SACS: variants seen among roughly 807,000 people sequenced by gnomAD.
The protein encoded by SACS is sacsin.
In SACS, 197 loss-of-function variants were observed where a neutral mutation model predicts 348.0. The observed-to-expected ratio is 0.57, with a 90% CI of 0.50 to 0.64. The LOEUF is 0.64. Among genes scored for constraint, SACS ranks in the 30% least tolerant of loss-of-function variants. SACS has a pLI of 0.00. For synonymous variants in SACS, 1,985 were observed against 1,910.6 expected, an observed-to-expected ratio of 1.04 and a Z score of -1.02; for missense variants, 4,999 against 5,360.8, an observed-to-expected ratio of 0.93 and a Z score of 2.11.
intron 6 of SACS, among the ~76,000 whole-genome samples, chr13:23,360,263 A>C (rs933356591): frequency 2.6e-5 from 4 of 152,056 alleles, no homozygotes; most frequent in African/African-American, 9.7e-5. Flanking sequence ...GTAATATATA[A>C]TTTTACATAT....
chr13:23,432,826 A>G (rs976027744), intron 1 of SACS, among the ~76,000 whole-genome samples: 4 of 152,190 alleles, frequency 2.6e-5, no homozygotes, highest in African/African-American at 4.8e-5. Context: ...CTTAAGCGGA[A>G]TGGGCTTTAT....
chr13:23,343,608 C>T (rs1159245965), intron 9 of SACS, among the ~76,000 whole-genome samples: 6 of 152,132 alleles, frequency 3.9e-5, no homozygotes, highest in African/African-American at 9.7e-5. Flanking sequence ...TGCTTGAACC[C>T]GGGAGGCGGA....
intron 5 of SACS, 112 bp downstream of exon 5, chr13:23,368,290 T>G (rs1259474649): frequency 1.6e-5 from 12 of 733,312 alleles, no homozygotes; most frequent in Non-Finnish European, 2.3e-6. Context: ...ATACAGCTAT[T>G]TGAATCTAGA....
chr13:23,395,463 A>G (rs1038271121), intron 2 of SACS, among the ~76,000 whole-genome samples: 1 of 151,340 alleles, frequency 6.6e-6, no homozygotes, highest in South Asian at 2.1e-4. Context: ...TCCTTTCACC[A>G]CCTTTGATCT....
chr13:23,400,711 C>T (rs1290302254), intron 2 of SACS, among the ~76,000 whole-genome samples: 2 of 152,198 alleles, frequency 1.3e-5, no homozygotes, highest in Admixed American at 6.5e-5. Flanking sequence ...TGAGCCACCG[C>T]GCCCGGCCAG....
In SACS at chr13:23,338,950, G is replaced by T. The variant is rs1183192870; in HGVS notation, c.4926C>A (p.Thr1642=). ...GAGTTCTAAAGGACAGTCGGAAAAG[G>T]GTTCCATTATAGCTGTAAGGTGCTT... ...TVEAPYSYNG[T]LFRLSFRTQQ... Residue 1642 remains threonine (T), a synonymous_variant, in exon 10 of 10, where the codon ACC becomes ACA. Transcript: ENST00000382292. 1.9e-6 allele frequency: 3 copies of T among 1,613,634 alleles called. No homozygotes were observed. Among genetic ancestry groups the T allele is most frequent in the African/African-American group, 1.3e-5 (1 of 74,876 alleles).
At position 23,334,010 on chromosome 13, in the gene SACS, G is replaced by C. The variant is rs2137580127; in HGVS notation, c.9866C>G (p.Ser3289Ter). Residue 3289 changes from serine to a stop codon, truncating the protein, a stop_gained, in exon 10 of 10, where the codon TCA becomes TGA. Transcript: ENST00000382292. LOFTEE classifies it high-confidence loss of function. ...ALLPGTKFTV[S>*]ANQLVVPEGD... ...TTCAGGAACCACAAGCTGGTTGGCTGAAACAGTAAACTTTGTTCCTGGAAG... is the reference window on the plus strand; with the variant it reads ...TTCAGGAACCACAAGCTGGTTGGCTCAAACAGTAAACTTTGTTCCTGGAAG... The C allele has an allele frequency of 6.2e-7, 1 of 1,613,864 alleles. No individual in the cohort carries two copies. Among genetic ancestry groups the C allele is most frequent in the Middle Eastern group, 1.6e-4 (1 of 6,062 alleles).
At chr13:23,361,862 G>C (rs1241617301) in intron 6 of SACS, among the ~76,000 whole-genome samples, 1 of 152,036 alleles carries the variant, frequency 6.6e-6, no homozygotes, top group African/African-American at 2.4e-5. Context: ...CTGGGAGCAG[G>C]CCTGCAGTCT....
At chr13:23,414,636 G>A (rs1376122557) in intron 1 of SACS, among the ~76,000 whole-genome samples, 2 of 152,302 alleles carry the variant, frequency 1.3e-5, no homozygotes, top group East Asian at 3.9e-4. Flanking sequence ...CTGCTAAACA[G>A]CATAGAGCTC....
chr13:23,409,268 G>A (rs1352635316), intron 2 of SACS, among the ~76,000 whole-genome samples: 1 of 149,210 alleles, frequency 6.7e-6, no homozygotes, highest in Non-Finnish European at 1.5e-5. Context: ...TGTTAGCCAG[G>A]ATGGTTTCGA....
rs1404563359 is a variant in SACS, at chr13:23,336,174, T to C, written c.7702A>G (p.Arg2568Gly). The change falls in exon 10 of 10, where the codon AGA becomes GGA. Residue 2568 changes from arginine to glycine, a missense_variant. By Grantham distance (125) the Arg-to-Gly change is moderately radical. Coordinates refer to ENST00000382292, the MANE Select transcript of SACS (RefSeq NM_014363.6). The stretch of plus-strand genomic sequence containing the variant: ...AATATTCTATCAACTGGATGCTGTC[T>C]AGGATCAAACACAAAACAGATTTCT... The part of the protein sequence containing the change: ...ATEICFVFDP[R>G]QHPVDRIFDD... 1 of 1,614,040 alleles carries C rather than the reference T, an allele frequency of 6.2e-7. No individual in the cohort carries two copies. The highest frequency in any genetic ancestry group is 8.5e-7 in the Non-Finnish European group (1 of 1,179,940).
Position 23,332,628 on chromosome 13 carries a change from T to C in SACS, c.11248A>G (p.Asn3750Asp). 6.2e-7 allele frequency: 1 copy of C among 1,613,630 alleles called. No individual in the cohort carries two copies. The highest frequency in any genetic ancestry group is 1.1e-5 in the South Asian group (1 of 91,078). The change falls in exon 10 of 10, where the codon AAT becomes GAT. Residue 3750 changes from asparagine (N) to aspartate (D), a missense_variant. Around this residue, in one of 6 missense-constraint regions of SACS, gnomAD observed 831 missense variants for 941.8 expected, o/e 0.88. Transcript: ENST00000382292. ...ATGTTGCATATGTTTCTGCAGTTAT[T>C]GATTACCTTATCAAGAGGAGGATCC... ...NLDPPLDKVI[N>D]NCRNICNITT...
intron 6 of SACS, among the ~76,000 whole-genome samples, chr13:23,362,914 T>C (rs1208211927): frequency 6.6e-6 from 1 of 151,042 alleles, no homozygotes; most frequent in East Asian, 1.9e-4. Flanking sequence ...TATTTATGTA[T>C]GTATTTATTT....
chr13:23,331,884 G>A lies in SACS; in HGVS notation c.11992C>T (p.Leu3998Phe). The A allele has an allele frequency of 6.2e-7, 1 of 1,614,000 alleles. No homozygotes were observed. The highest frequency in any genetic ancestry group is 8.5e-7 in the Non-Finnish European group (1 of 1,179,922). The change falls in exon 10 of 10, where the codon CTT becomes TTT. Residue 3998 changes from leucine to phenylalanine, a missense_variant. By Grantham distance (22) the Leu-to-Phe change is conservative. Coordinates refer to ENST00000382292, the MANE Select transcript of SACS (RefSeq NM_014363.6). Reference protein sequence around the residue: ...KVCQFGALCSLQGRLQLLLSS... With the variant: ...KVCQFGALCSFQGRLQLLLSS... Reference sequence around the variant, plus strand: ...AAGAGTAACTGCAATCTTCCTTGAAGAGAACACAACGCTCCAAACTGACAA... The same window carrying A: ...AAGAGTAACTGCAATCTTCCTTGAAAAGAACACAACGCTCCAAACTGACAA...
At chr13:23,419,457 T>G (rs1490962305) in intron 1 of SACS, among the ~76,000 whole-genome samples, 1 of 152,156 alleles carries the variant, frequency 6.6e-6, no homozygotes, top group Non-Finnish European at 1.5e-5. Flanking sequence ...GTTCAGAGTC[T>G]CAACAGGGCT....
chr13:23,368,364 T>C, intron 5 of SACS, 38 bp downstream of exon 5: 1 of 1,432,290 alleles, frequency 7.0e-7, no homozygotes, highest in Non-Finnish European at 9.7e-7. Context: ...CTCATTTTTA[T>C]CAAAGTAAAT....
At chr13:23,349,881 G>A (rs1344350707) in intron 9 of SACS, among the ~76,000 whole-genome samples, 2 of 152,154 alleles carry the variant, frequency 1.3e-5, no homozygotes, top group African/African-American at 4.8e-5. Context: ...TTTAATCTCT[G>A]CTACACTACC....
chr13:23,400,852 A>T lies in SACS; in HGVS notation c.20+10368T>A, dbSNP rs560656035. Among the ~76,000 whole-genome samples the T allele has an allele frequency of 2.0e-5, 3 of 152,284 alleles. No individual in the cohort carries two copies. In the South Asian group the frequency reaches 6.2e-4, roughly 32 times the overall value. On this transcript the variant is annotated intron_variant, in intron 2 of 9. Transcript: ENST00000382292. ...AAATCAAATCCTAAACAAAACCTTG[A>T]TCTACAATTGACCTTGAGTTTTCCC...
intron 9 of SACS, among the ~76,000 whole-genome samples, chr13:23,347,907 G>GTACA (rs1169073756): frequency 3.9e-5 from 6 of 152,174 alleles, no homozygotes; most frequent in Non-Finnish European, 7.3e-5. Context: ...AACCTTCCAT[G>GTACA]TACCAGGCAT....
Sources: gnomAD v4.1 joint callset for allele counts (sites outside exome capture counted in the v4.1 genomes callset) on GRCh38, gnomAD v4.1.1 for gene constraint, gnomAD v4.1.1 regional missense constraint, MANE v1.5 for transcripts, NCBI Gene and HGNC (gene_info 2026-07-23, HGNC 2026-07-21) for gene names.